Variants in PEAK1 observed in about 807,000 individuals in gnomAD.
The protein encoded by PEAK1 is inactive tyrosine-protein kinase PEAK1.
PEAK1 carries 54 observed loss-of-function variants against 124.7 expected under a neutral mutation model. The observed-to-expected ratio is 0.43, with a 90% CI of 0.35 to 0.54. The LOEUF is 0.54. Among genes scored for constraint, PEAK1 ranks in the 20% least tolerant of loss-of-function variants. The pLI is 0.01. For synonymous variants in PEAK1, 719 were observed against 760.0 expected (o/e 0.95, Z 0.89); for missense variants, 2,046 against 2,134.5 (o/e 0.96, Z 0.82).
chr15:77,309,627 T>G (rs1404298485), intron 2 of PEAK1, among the ~76,000 whole-genome samples: 1 of 152,122 alleles, frequency 6.6e-6, no homozygotes, highest in Non-Finnish European at 1.5e-5. Flanking sequence ...TATTCCAGTT[T>G]CCTTCAACTA....
At chr15:77,371,311 A>C in intron 1 of PEAK1, 1 of 916,938 alleles carries the variant, frequency 1.1e-6, no homozygotes, top group Non-Finnish European at 1.3e-6. Flanking sequence ...TATATATTTC[A>C]CTGAAAATAT....
chr15:77,225,092 G>A (rs761074362), intron 6 of PEAK1, among the ~76,000 whole-genome samples: 6 of 151,880 alleles, frequency 4.0e-5, no homozygotes, highest in Non-Finnish European at 7.4e-5. Context: ...CTTAGCTTAG[G>A]TTTCAAAATC....
chr15:77,293,158 C>T (rs1390005976), intron 2 of PEAK1, among the ~76,000 whole-genome samples: 1 of 152,190 alleles, frequency 6.6e-6, no homozygotes, highest in East Asian at 1.9e-4. Flanking sequence ...CTCCCCCTGC[C>T]TAAAACCACT....
chr15:77,219,273 T>C (rs1196609069), intron 6 of PEAK1, among the ~76,000 whole-genome samples: 1 of 152,020 alleles, frequency 6.6e-6, no homozygotes, highest in African/African-American at 2.4e-5. Flanking sequence ...GGAAATGAGA[T>C]GATTCAGCAA....
chr15:77,138,539 GCTT>G (rs2053517880), intron 8 of PEAK1, among the ~76,000 whole-genome samples: 1 of 151,924 alleles, frequency 6.6e-6, no homozygotes. Context: ...ATAACACTTA[GCTT>G]AAGATACACT....
At position 77,112,370 on chromosome 15, in the gene PEAK1, C is replaced by G. The variant is rs1566977640; in HGVS notation, c.*1786G>C. On this transcript the variant is annotated 3_prime_UTR_variant, in exon 10 of 10. Transcript: ENST00000682557. ...AGAAATTTCCAAGGCCACTAATGTG[C>G]TATGTAAGTAATACTGCACAGTCAG... 1 of 152,200 alleles carries G rather than the reference C, an allele frequency of 6.6e-6. No individual in the cohort carries two copies. The highest frequency in any genetic ancestry group is 1.5e-5 in the Non-Finnish European group (1 of 68,046). 9.4% of individuals were successfully genotyped at this position (152,200 alleles called of 1,614,324 possible).
chr15:77,283,973 C>G lies in PEAK1; in HGVS notation c.-365G>C, dbSNP rs1024927078. On this transcript the variant is annotated 5_prime_UTR_variant, in exon 5 of 10. An upstream start codon of the reference 5' UTR is lost. Transcript: ENST00000682557. ...CTCCTTCTTGGATTTTTTCATAAATCATTGAATTCTCACTTTCTCACAAAA... is the reference window on the plus strand; with the variant it reads ...CTCCTTCTTGGATTTTTTCATAAATGATTGAATTCTCACTTTCTCACAAAA... 5 of 983,626 alleles carry G rather than the reference C, an allele frequency of 5.1e-6. No individual in the cohort carries two copies. In the East Asian group the frequency reaches 3.4e-4, roughly 67 times the overall value. 60.9% of individuals were successfully genotyped at this position (983,626 alleles called of 1,614,324 possible).
intron 6 of PEAK1, among the ~76,000 whole-genome samples, chr15:77,202,912 C>G (rs567005817): frequency 2.0e-4 from 31 of 151,974 alleles, no homozygotes; most frequent in African/African-American, 7.5e-4. Flanking sequence ...CAGTGCGCAC[C>G]TGTAGTCCCA....
At chr15:77,168,250 C>CAT (rs2056262538) in intron 7 of PEAK1, among the ~76,000 whole-genome samples, 2 of 151,632 alleles carry the variant, frequency 1.3e-5, no homozygotes, top group Non-Finnish European at 1.5e-5. Flanking sequence ...CACACACACA[C>CAT]ACACACACAC....
At chr15:77,300,395 G>C (rs2063725209) in intron 2 of PEAK1, among the ~76,000 whole-genome samples, 1 of 152,100 alleles carries the variant, frequency 6.6e-6, no homozygotes, top group Admixed American at 6.5e-5. Context: ...TTGCTTTTGA[G>C]GGGTGGAATA....
intron 2 of PEAK1, among the ~76,000 whole-genome samples, chr15:77,313,414 AG>A (rs1281249875): frequency 1.3e-5 from 2 of 152,268 alleles, no homozygotes; most frequent in East Asian, 1.9e-4. Context: ...CACTTCTTCT[AG>A]GAAGTGCAAC....
chr15:77,273,235 T>C (rs2062129271), intron 5 of PEAK1, among the ~76,000 whole-genome samples: 1 of 152,186 alleles, frequency 6.6e-6, no homozygotes, highest in South Asian at 2.1e-4. Flanking sequence ...TCACCACTTC[T>C]ATTCAACATA....
chr15:77,407,430 A>C (rs759837835), intron 1 of PEAK1, among the ~76,000 whole-genome samples: 1 of 152,206 alleles, frequency 6.6e-6, no homozygotes, highest in African/African-American at 2.4e-5. Flanking sequence ...GCAAGAAAAA[A>C]AACAATCCAT....
Position 77,114,244 on chromosome 15 carries a change from C to G in PEAK1, c.5153G>C (p.Ser1718Thr). 6.2e-7 allele frequency: 1 copy of G among 1,614,242 alleles called. No homozygotes were observed. Among genetic ancestry groups the G allele is most frequent in the South Asian group, 1.1e-5 (1 of 91,090 alleles). The part of the protein sequence containing the change: ...EKSLDREGGI[S>T]LEDWLCAQYL... ...CTGAGCACAAAGCCAGTCCTCAAGGCTGATTCCACCTTCCCTGTCCAGGGA... is the reference window on the plus strand; with the variant it reads ...CTGAGCACAAAGCCAGTCCTCAAGGGTGATTCCACCTTCCCTGTCCAGGGA... The change falls in exon 10 of 10, where the codon AGC becomes ACC. Residue 1718 changes from serine to threonine, a missense_variant. By Grantham distance (58) the Ser-to-Thr change is moderately conservative. Transcript: ENST00000682557.
At chr15:77,369,000 C>G (rs1312258590) in intron 1 of PEAK1, among the ~76,000 whole-genome samples, 1 of 152,120 alleles carries the variant, frequency 6.6e-6, no homozygotes, top group Non-Finnish European at 1.5e-5. Context: ...GTTGCCTTCT[C>G]AAGTTTGACA....
At chr15:77,152,208 C>T (rs565441936) in intron 8 of PEAK1, among the ~76,000 whole-genome samples, 1 of 152,150 alleles carries the variant, frequency 6.6e-6, no homozygotes, top group African/African-American at 2.4e-5. Context: ...CTTCACATCC[C>T]TTGTAAGTTG....
At chr15:77,413,984 C>T (rs1391195419) in intron 1 of PEAK1, among the ~76,000 whole-genome samples, 3 of 151,678 alleles carry the variant, frequency 2.0e-5, no homozygotes, top group Non-Finnish European at 4.4e-5. Flanking sequence ...CCACCACACC[C>T]GGCTAATTTA....
At chr15:77,214,849 G>A (rs1296801760) in intron 6 of PEAK1, among the ~76,000 whole-genome samples, 1 of 151,978 alleles carries the variant, frequency 6.6e-6, no homozygotes, top group African/African-American at 2.4e-5. Context: ...TCATGAGAAC[G>A]GCAATGGGGG....
intron 2 of PEAK1, among the ~76,000 whole-genome samples, chr15:77,322,133 T>C (rs1264837127): frequency 2.6e-5 from 4 of 151,454 alleles, no homozygotes; most frequent in South Asian, 4.2e-4. Flanking sequence ...CAAAGCAGTG[T>C]GTAGAGGGAA....
Sources: allele counts gnomAD v4.1 joint callset (sites outside exome capture counted in the v4.1 genomes callset), GRCh38; gene constraint gnomAD v4.1.1; transcripts MANE v1.5; gene names NCBI Gene and HGNC (gene_info 2026-07-23, HGNC 2026-07-21).